The following BANP variants were observed in gnomAD, a reference collection of about 807,000 sequenced individuals.
BANP encodes the protein BTG3 associated nuclear protein.
A neutral mutation model predicts 68.1 loss-of-function variants in BANP; 11 were observed. That is an observed-to-expected ratio of 0.16 (90% CI 0.10 to 0.27). The LOEUF is 0.27. BANP is among the 10% of genes least tolerant of loss of function. BANP has a pLI of 1.00. For missense variants in BANP, 504 were observed against 722.7 expected, an observed-to-expected ratio of 0.70 and a Z score of 3.47; for synonymous variants, 329 against 303.2, an observed-to-expected ratio of 1.09 and a Z score of -0.88.
At position 87,957,796 on chromosome 16, in the gene BANP, CG is replaced by C. The variant is rs2058385639; in HGVS notation, c.-69+6287del. 6.6e-6 allele frequency among the ~76,000 whole-genome samples: 1 copy of C among 152,168 alleles called. No homozygotes were observed. Among genetic ancestry groups the C allele is most frequent in the Admixed American group, 6.6e-5 (1 of 15,256 alleles). On this transcript the variant is annotated intron_variant, in intron 1 of 13. Transcript: ENST00000682872. This position sits in a 1 kb window ranked among gnomAD's most constrained non-coding sequence, Gnocchi z 4.3. ...CGCCTTCACCTTTCACCAGATGACGCGGGGGGAATTGGGCCACGGTCCCTGC... is the reference window on the plus strand; with the variant it reads ...CGCCTTCACCTTTCACCAGATGACGCGGGGGAATTGGGCCACGGTCCCTGC...
intron 1 of BANP, among the ~76,000 whole-genome samples, chr16:87,964,560 AG>A (rs1476248878): frequency 6.6e-6 from 1 of 151,762 alleles, no homozygotes; most frequent in Non-Finnish European, 1.5e-5. Context: ...CGGGGAGGAG[AG>A]CCCCAGGGGC....
At chr16:88,014,244 G>A (rs1003421729) in intron 6 of BANP, among the ~76,000 whole-genome samples, 9 of 152,196 alleles carry the variant, frequency 5.9e-5, no homozygotes, top group African/African-American at 2.2e-4. Flanking sequence ...CGTGTGGGGT[G>A]GAGGGCACGG....
At chr16:87,999,195 G>T (rs1477861783) in intron 4 of BANP, among the ~76,000 whole-genome samples, 2 of 135,088 alleles carry the variant, frequency 1.5e-5, no homozygotes, top group Admixed American at 7.3e-5. Flanking sequence ...CACGTGCGCG[G>T]CTGTACTTAC....
At chr16:88,013,911 G>A (rs2073857042) in intron 6 of BANP, among the ~76,000 whole-genome samples, 1 of 152,218 alleles carries the variant, frequency 6.6e-6, no homozygotes. Context: ...CACAAGTGTG[G>A]ATGGGAACCG....
chr16:88,018,407 G>C lies in BANP; in HGVS notation c.656-21G>C, dbSNP rs373355508. 1 of 1,602,500 alleles carries C rather than the reference G, an allele frequency of 6.2e-7. No individual in the cohort carries two copies. The highest frequency in any genetic ancestry group is 8.5e-7 in the Non-Finnish European group (1 of 1,173,232). ...CTTATTTGAGCCTTGGCCATCTGAG[G>C]ACCTGTCTTCTGTTTTTCAGAGGAC... is the stretch of plus-strand genomic sequence containing the variant. On this transcript the variant is annotated intron_variant, in intron 6 of 13. Transcript: ENST00000682872. The surrounding 1 kb of genome is among the most constrained non-coding windows in gnomAD (Gnocchi z 7.7).
At chr16:87,975,403 A>AC (rs1183151111) in intron 2 of BANP, among the ~76,000 whole-genome samples, 1 of 151,968 alleles carries the variant, frequency 6.6e-6, no homozygotes, top group Admixed American at 6.6e-5. Context: ...CCCCTGTGAC[A>AC]CTTTGTCTCG....
rs2069557960 is a variant in BANP at position 88,002,056 on chromosome 16, G to GTATTTT, written c.363-2237_363-2232dup. Among the ~76,000 whole-genome samples the GTATTTT allele has an allele frequency of 6.6e-6, 1 of 152,192 alleles. No homozygotes were observed. The highest frequency in any genetic ancestry group is 6.5e-5 in the Admixed American group (1 of 15,280). ...TTCTTGATAATAAAATACTAGGAAT[G>GTATTTT]TATTTTTGAAGAGCTGGATAGGGCT... On this transcript the variant is annotated intron_variant, in intron 4 of 13. Transcript: ENST00000682872. The surrounding 1 kb of genome is among the most constrained non-coding windows in gnomAD (Gnocchi z 4.6).
At chr16:87,972,554 A>G (rs2061324869) in intron 1 of BANP, among the ~76,000 whole-genome samples, 1 of 152,182 alleles carries the variant, frequency 6.6e-6, no homozygotes, top group African/African-American at 2.4e-5. Context: ...ATTTGGCCTC[A>G]GTAGTTTCTG....
intron 1 of BANP, among the ~76,000 whole-genome samples, chr16:87,968,300 C>T (rs1218077633): frequency 7.3e-5 from 11 of 151,674 alleles, no homozygotes; most frequent in African/African-American, 2.7e-4. Flanking sequence ...CCTGACCCAA[C>T]ATGGTGAAAC....
chr16:88,004,899 T>G lies in BANP; in HGVS notation c.479+488T>G, dbSNP rs1400595161. Among the ~76,000 whole-genome samples, 1 of 152,236 alleles carries G rather than the reference T, an allele frequency of 6.6e-6. No homozygotes were observed. The highest frequency in any genetic ancestry group is 1.9e-4 in the East Asian group (1 of 5,178). On this transcript the variant is annotated intron_variant, in intron 5 of 13. Coordinates refer to ENST00000682872, the MANE Select transcript of BANP (RefSeq NM_001386991.1). The surrounding 1 kb of genome is among the most constrained non-coding windows in gnomAD (Gnocchi z 7.0). ...AGGTGGGAGTGGACAGAAGACACCG[T>G]CCCCGCTCTGTGTGAGGGGAAGGCT...
At position 87,953,089 on chromosome 16, in the gene BANP, C is replaced by T. The variant is rs1320519188; in HGVS notation, c.-69+1574C>T. The stretch of plus-strand genomic sequence containing the variant: ...ATCATGACCCAGGAGGCAGAGGCTG[C>T]GTCCACTTTATAGATGAGGTGACTA... On this transcript the variant is annotated intron_variant, in intron 1 of 13. Transcript: ENST00000682872. Among the ~76,000 whole-genome samples the T allele has an allele frequency of 3.9e-5, 6 of 151,960 alleles. 1 individual carries two copies. The highest frequency in any genetic ancestry group is 2.6e-4 in the Admixed American group (4 of 15,260).
chr16:88,011,342 C>T (rs1169865751), intron 6 of BANP, among the ~76,000 whole-genome samples: 1 of 152,114 alleles, frequency 6.6e-6, no homozygotes, highest in Non-Finnish European at 1.5e-5. Flanking sequence ...AGACCAGACG[C>T]CTGGAGAGCA....
At position 88,018,155 on chromosome 16, in the gene BANP, C is replaced by G. The variant is rs183669406; in HGVS notation, c.656-273C>G. Among the ~76,000 whole-genome samples the G allele has an allele frequency of 2.6e-5, 4 of 151,658 alleles. No homozygotes were observed. The South Asian group carries it at 6.3e-4, about 24-fold the overall frequency. On this transcript the variant is annotated intron_variant, in intron 6 of 13. Coordinates refer to ENST00000682872, the MANE Select transcript of BANP (RefSeq NM_001386991.1). This position sits in a 1 kb window ranked among gnomAD's most constrained non-coding sequence, Gnocchi z 7.7. ...GTCCAGGGTGAGCAGAGTGTGTGAC[C>G]GTGTTGGCGCTCAGGTCCCGAGGCC...
rs540859443 is a variant in BANP, at chr16:88,007,066, A to G, written c.655+801A>G. On this transcript the variant is annotated intron_variant, in intron 6 of 13. Coordinates refer to ENST00000682872, the MANE Select transcript of BANP (RefSeq NM_001386991.1). The stretch of plus-strand genomic sequence containing the variant: ...AACCTTTTGGGGTTTTTTGGTGCAC[A>G]TTTTATGATTTTATAACTCACTTCT... Among the ~76,000 whole-genome samples, 7 of 151,780 alleles carry G rather than the reference A, an allele frequency of 4.6e-5. No individual in the cohort carries two copies. The East Asian group carries it at 1.4e-3, about 29-fold the overall frequency.
chr16:87,956,108 C>T (rs1247311233), intron 1 of BANP, among the ~76,000 whole-genome samples: 2 of 152,140 alleles, frequency 1.3e-5, no homozygotes, highest in Non-Finnish European at 2.9e-5. Context: ...GGATTGTTAG[C>T]CTTTGGGTTC....
At chr16:88,011,980 G>A (rs1236296386) in intron 6 of BANP, among the ~76,000 whole-genome samples, 2 of 152,216 alleles carry the variant, frequency 1.3e-5, no homozygotes, top group African/African-American at 4.8e-5. Context: ...TGGGACAAAT[G>A]TAGCCTTACC....
chr16:88,031,089 AG>A (rs1280967538), intron 8 of BANP, among the ~76,000 whole-genome samples: 1 of 152,206 alleles, frequency 6.6e-6, no homozygotes, highest in Admixed American at 6.5e-5. Context: ...GGCTTGCTCG[AG>A]GACCTGTGGT....
Position 88,071,512 on chromosome 16 carries a change from G to C in BANP, c.1378-557G>C, listed in dbSNP as rs541765153. 1 of 456,412 alleles carries C rather than the reference G, an allele frequency of 2.2e-6. No homozygotes were observed. The highest frequency in any genetic ancestry group is 4.4e-6 in the Non-Finnish European group (1 of 226,868). 28.3% of individuals were successfully genotyped at this position (456,412 alleles called of 1,614,324 possible). On this transcript the variant is annotated intron_variant, in intron 12 of 13. Coordinates refer to ENST00000682872, the MANE Select transcript of BANP (RefSeq NM_001386991.1). The surrounding 1 kb of genome is among the most constrained non-coding windows in gnomAD (Gnocchi z 6.5). ...CTCTCTGCCACCAGGACTCACTTCC[G>C]CCCATCTTGGAACTGGGCCTCACTT...
At chr16:88,052,964 CCAT>C (rs1175363801) in intron 11 of BANP, among the ~76,000 whole-genome samples, 1 of 151,470 alleles carries the variant, frequency 6.6e-6, no homozygotes, top group South Asian at 2.1e-4. Context: ...ACTATCATCT[CCAT>C]CATCATACCA....
Sources: gnomAD v4.1 joint callset for allele counts (sites outside exome capture counted in the v4.1 genomes callset) on GRCh38, gnomAD v4.1.1 for gene constraint, Gnocchi (gnomAD v3.1) non-coding constraint, MANE v1.5 for transcripts, NCBI Gene and HGNC (gene_info 2026-07-23, HGNC 2026-07-21) for gene names.